The following TTC38 variants were observed in gnomAD, a reference collection of about 807,000 sequenced individuals.
The protein encoded by TTC38 is tetratricopeptide repeat domain 38.
A neutral mutation model predicts 64.2 loss-of-function variants in TTC38; 64 were observed. That is an observed-to-expected ratio of 1.00 (90% CI 0.81 to 1.23). The LOEUF is 1.23. Among genes scored for constraint, TTC38 ranks in the 50% most tolerant of loss-of-function variants. The pLI is 0.00. For missense variants in TTC38, 573 were observed against 615.5 expected, an observed-to-expected ratio of 0.93 and a Z score of 0.73; for synonymous variants, 254 against 249.3, an observed-to-expected ratio of 1.02 and a Z score of -0.18.
In TTC38 at chr22:46,281,615, C is replaced by T. The variant is rs766399816; in HGVS notation, c.632C>T (p.Pro211Leu). The change falls in exon 7 of 14, where the codon CCG (proline) becomes CTG (leucine). Residue 211 changes from proline (P) to leucine (L), a missense_variant. Coordinates refer to ENST00000381031, the MANE Select transcript of TTC38 (RefSeq NM_017931.4). This position sits in a 1 kb window ranked among gnomAD's most constrained non-coding sequence, Gnocchi z 5.2. ...KLAKEALSIN[P>L]TDAWSVHTVA... Reference sequence around the variant, plus strand: ...CCTGCGTAGGCTTTATCTATTAACCCGACAGACGCATGGTCGGTGCACACC... The same window carrying T: ...CCTGCGTAGGCTTTATCTATTAACCTGACAGACGCATGGTCGGTGCACACC... The T allele has an allele frequency of 1.4e-5, 23 of 1,613,990 alleles. No homozygotes were observed. Among genetic ancestry groups the T allele is most frequent in the East Asian group, 2.2e-5 (1 of 44,890 alleles).
chr22:46,281,486 C>T lies in TTC38; in HGVS notation c.616-113C>T, dbSNP rs1416996947. 1.8e-6 allele frequency: 2 copies of T among 1,131,334 alleles called. No homozygotes were observed. The highest frequency in any genetic ancestry group is 3.1e-5 in the African/African-American group (2 of 64,862). 70.1% of individuals were successfully genotyped at this position (1,131,334 alleles called of 1,614,324 possible). On this transcript the variant is annotated intron_variant, in intron 6 of 13. Coordinates refer to ENST00000381031, the MANE Select transcript of TTC38 (RefSeq NM_017931.4). This position sits in a 1 kb window ranked among gnomAD's most constrained non-coding sequence, Gnocchi z 5.2. ...AGTCAGAGCCCCGCCCCCCCACTTG[C>T]TCCACCCCGTTCAGCCCAGGCCCCT...
chr22:46,282,131 TG>T lies in TTC38; in HGVS notation c.735+415del, dbSNP rs1164020105. The T allele has an allele frequency of 2.6e-6, 1 of 381,578 alleles. No individual in the cohort carries two copies. Among genetic ancestry groups the T allele is most frequent in the East Asian group, 7.4e-5 (1 of 13,440 alleles). The allele number at this position is 381,578 out of a possible 1,614,324, so 23.6% of individuals were successfully genotyped here. A position where few individuals can be genotyped will look rare whatever the true frequency, so the allele number is the denominator to read the frequency against. Reference sequence around the variant, plus strand: ...ATCCTGGAGGGGGCAACCTCTGAGTTGGCTACTGAAGGATGAGCAGGTGTGT... The same window carrying T: ...ATCCTGGAGGGGGCAACCTCTGAGTTGCTACTGAAGGATGAGCAGGTGTGT... On this transcript the variant is annotated intron_variant, in intron 7 of 13. Transcript: ENST00000381031. The surrounding 1 kb of genome is among the most constrained non-coding windows in gnomAD (Gnocchi z 4.4).
intron 6 of TTC38, chr22:46,280,127 C>A (rs780657262): frequency 4.2e-5 from 20 of 471,202 alleles, no homozygotes; most frequent in South Asian, 3.1e-4. Context: ...GCAGGAAAAG[C>A]AGGCTGTGAT....
Position 46,273,046 on chromosome 22 carries a change from G to A in TTC38, c.193+630G>A, listed in dbSNP as rs537828125. 6.6e-6 allele frequency among the ~76,000 whole-genome samples: 1 copy of A among 152,340 alleles called. No homozygotes were observed. The highest frequency in any genetic ancestry group is 2.1e-4 in the South Asian group (1 of 4,830). On this transcript the variant is annotated intron_variant, in intron 3 of 13. Transcript: ENST00000381031. The surrounding 1 kb of genome is among the most constrained non-coding windows in gnomAD (Gnocchi z 5.1). ...GCGGCAGGGACACCCTTCTCACCCT[G>A]CTGCAGCCTAGTCAGACTTAAGGCA... is the stretch of plus-strand genomic sequence containing the variant.
rs1569017471 is a variant in TTC38 at position 46,276,738 on chromosome 22, T to TAC, written c.539+1318_539+1319insCA. ...ATTAAAAATATATATATTAAAAAAA[T>TAC]ATATATAAAATACATATATTAAAAA... is the stretch of plus-strand genomic sequence containing the variant. On this transcript the variant is annotated intron_variant, in intron 5 of 13. Coordinates refer to ENST00000381031, the MANE Select transcript of TTC38 (RefSeq NM_017931.4). This position sits in a 1 kb window ranked among gnomAD's most constrained non-coding sequence, Gnocchi z 4.7. 6.2e-5 allele frequency among the ~76,000 whole-genome samples: 8 copies of TAC among 129,650 alleles called. No individual in the cohort carries two copies. The highest frequency in any genetic ancestry group is 2.9e-4 in the African/African-American group (8 of 27,540). 85.1% of individuals were successfully genotyped at this position (129,650 alleles called of 152,430 possible).
intron 8 of TTC38, 23 bp downstream of exon 8, chr22:46,284,055 C>T: frequency 6.3e-7 from 1 of 1,583,856 alleles, no homozygotes; most frequent in South Asian, 1.1e-5. Context: ...TCTGTTTGCA[C>T]TGTCTTATCC....
Position 46,275,191 on chromosome 22 carries a change from C to T in TTC38, c.366-57C>T, listed in dbSNP as rs773215771. The T allele has an allele frequency of 1.3e-6, 2 of 1,519,296 alleles. No individual in the cohort carries two copies. The highest frequency in any genetic ancestry group is 1.8e-5 in the Admixed American group (1 of 56,348). The allele number at this position is 1,519,296 out of a possible 1,614,324, so 94.1% of individuals were successfully genotyped here. A position where few individuals can be genotyped will look rare whatever the true frequency, so the allele number is the denominator to read the frequency against. On this transcript the variant is annotated intron_variant, in intron 4 of 13. Coordinates refer to ENST00000381031, the MANE Select transcript of TTC38 (RefSeq NM_017931.4). This position sits in a 1 kb window ranked among gnomAD's most constrained non-coding sequence, Gnocchi z 4.5. ...GGTGAGAAACAATGCCTCTTACACT[C>T]CCTGTGTGGGTGGACTATGTGTTCA... is the stretch of plus-strand genomic sequence containing the variant.
chr22:46,276,758 TA>T lies in TTC38; in HGVS notation c.539+1342del, dbSNP rs1288505162. Among the ~76,000 whole-genome samples the T allele has an allele frequency of 1.4e-5, 2 of 142,804 alleles. No individual in the cohort carries two copies. The highest frequency in any genetic ancestry group is 3.0e-5 in the Non-Finnish European group (2 of 65,884). The allele number at this position is 142,804 out of a possible 152,430, so 93.7% of individuals were successfully genotyped here. A position where few individuals can be genotyped will look rare whatever the true frequency, so the allele number is the denominator to read the frequency against. On this transcript the variant is annotated intron_variant, in intron 5 of 13. Coordinates refer to ENST00000381031, the MANE Select transcript of TTC38 (RefSeq NM_017931.4). The surrounding 1 kb of genome is among the most constrained non-coding windows in gnomAD (Gnocchi z 4.7). The stretch of plus-strand genomic sequence containing the variant: ...AAAAATATATATAAAATACATATAT[TA>T]AAAATATATATTAAATATATATTAA...
rs1936935766 is a variant in TTC38, at chr22:46,273,322, T to A, written c.194-576T>A. On this transcript the variant is annotated intron_variant, in intron 3 of 13. Coordinates refer to ENST00000381031, the MANE Select transcript of TTC38 (RefSeq NM_017931.4). This position sits in a 1 kb window ranked among gnomAD's most constrained non-coding sequence, Gnocchi z 5.1. ...TAGCACACTATGGTTGGGTCCTGGGTCCCAGGCCTGAGCCAGTGACCAAGT... is the reference window on the plus strand; with the variant it reads ...TAGCACACTATGGTTGGGTCCTGGGACCCAGGCCTGAGCCAGTGACCAAGT... Among the ~76,000 whole-genome samples the A allele has an allele frequency of 6.6e-6, 1 of 152,138 alleles. No individual in the cohort carries two copies. The highest frequency in any genetic ancestry group is 2.1e-4 in the South Asian group (1 of 4,824).
In TTC38 at chr22:46,293,118, G is replaced by A. The variant is rs2077628317; in HGVS notation, c.*234G>A. ...GCATTTTTCAGCAGTCACAGCCAGTGTGAGTGCTGCTCTTTCCACCTGCCT... is the reference window on the plus strand; with the variant it reads ...GCATTTTTCAGCAGTCACAGCCAGTATGAGTGCTGCTCTTTCCACCTGCCT... On this transcript the variant is annotated 3_prime_UTR_variant, in exon 14 of 14. Transcript: ENST00000381031. This position sits in a 1 kb window ranked among gnomAD's most constrained non-coding sequence, Gnocchi z 6.6. The A allele has an allele frequency of 1.9e-6, 1 of 516,398 alleles. No individual in the cohort carries two copies. The highest frequency in any genetic ancestry group is 3.1e-5 in the Admixed American group (1 of 32,490). 32.0% of individuals were successfully genotyped at this position (516,398 alleles called of 1,614,324 possible). A position where few individuals can be genotyped will look rare whatever the true frequency, so the allele number is the denominator to read the frequency against.
rs904749703 is a variant in TTC38 at position 46,272,059 on chromosome 22, T to C, written c.112-276T>C. ...CAGGCTGGAGTGCAGTGGCACAATC[T>C]TGGCTCATTGCAACCTCAGCCCCCG... On this transcript the variant is annotated intron_variant, in intron 2 of 13. Coordinates refer to ENST00000381031, the MANE Select transcript of TTC38 (RefSeq NM_017931.4). The surrounding 1 kb of genome is among the most constrained non-coding windows in gnomAD (Gnocchi z 6.4). Among the ~76,000 whole-genome samples, 15 of 152,200 alleles carry C rather than the reference T, an allele frequency of 9.9e-5. No homozygotes were observed. The highest frequency in any genetic ancestry group is 3.1e-4 in the African/African-American group (13 of 41,446).
At chr22:46,283,708 C>T (rs1601879375) in intron 7 of TTC38, among the ~76,000 whole-genome samples, 1 of 151,892 alleles carries the variant, frequency 6.6e-6, no homozygotes, top group African/African-American at 2.4e-5. Flanking sequence ...AAAAATTAGC[C>T]GGGTGTGGTG....
rs6008443 is a variant in TTC38 at position 46,272,795 on chromosome 22, C to T, written c.193+379C>T. Among the ~76,000 whole-genome samples, 22,461 of 152,142 alleles carry T rather than the reference C, an allele frequency of 0.15. 4,017 individuals carry two copies. Among genetic ancestry groups the T allele is most frequent in the African/African-American group, 0.43 (17,784 of 41,446 alleles). On this transcript the variant is annotated intron_variant, in intron 3 of 13. Transcript: ENST00000381031. The surrounding 1 kb of genome is among the most constrained non-coding windows in gnomAD (Gnocchi z 6.4). ...AAGCTTCCTGAATCCAAGGCCCAGA[C>T]CCCTGGAACATGAGAGGTGGCTGCT...
rs144208190 is a variant in TTC38, at chr22:46,271,484, C to A, written c.112-851C>A. Among the ~76,000 whole-genome samples, 325 of 151,830 alleles carry A rather than the reference C, an allele frequency of 2.1e-3. 4 individuals are homozygous for A. In the East Asian group the frequency reaches 0.025, roughly 12 times the overall value. The stretch of plus-strand genomic sequence containing the variant: ...CACCTCGGCCTCCCAAAGTGCTGGG[C>A]TTACAGGCATGAGCCACCACACCTG... On this transcript the variant is annotated intron_variant, in intron 2 of 13. Transcript: ENST00000381031. The surrounding 1 kb of genome is among the most constrained non-coding windows in gnomAD (Gnocchi z 5.5).
chr22:46,281,468 GC>G lies in TTC38; in HGVS notation c.616-127del. On this transcript the variant is annotated intron_variant, in intron 6 of 13. Coordinates refer to ENST00000381031, the MANE Select transcript of TTC38 (RefSeq NM_017931.4). This position sits in a 1 kb window ranked among gnomAD's most constrained non-coding sequence, Gnocchi z 5.2. The stretch of plus-strand genomic sequence containing the variant: ...CTAATTGTCAGTGTTTTGAGTCAGA[GC>G]CCCGCCCCCCCACTTGCTCCACCCC... The G allele has an allele frequency of 9.8e-7, 1 of 1,020,646 alleles. No individual in the cohort carries two copies. Among genetic ancestry groups the G allele is most frequent in the South Asian group, 1.5e-5 (1 of 68,316 alleles). 63.2% of individuals were successfully genotyped at this position (1,020,646 alleles called of 1,614,324 possible).
intron 5 of TTC38, among the ~76,000 whole-genome samples, chr22:46,277,647 T>C (rs1328332706): frequency 7.1e-6 from 1 of 141,442 alleles, no homozygotes; most frequent in Non-Finnish European, 1.5e-5. Context: ...ATTGGAAGCG[T>C]GCAATTATTC....
chr22:46,282,625 C>T lies in TTC38; in HGVS notation c.735+907C>T, dbSNP rs1371224681. 6.6e-6 allele frequency among the ~76,000 whole-genome samples: 1 copy of T among 152,180 alleles called. No homozygotes were observed. The highest frequency in any genetic ancestry group is 2.4e-5 in the African/African-American group (1 of 41,436). On this transcript the variant is annotated intron_variant, in intron 7 of 13. Coordinates refer to ENST00000381031, the MANE Select transcript of TTC38 (RefSeq NM_017931.4). The surrounding 1 kb of genome is among the most constrained non-coding windows in gnomAD (Gnocchi z 4.4). ...AGCCTTGCTGCGGAGGATCCTCGGGCCTCCAGATTCGGCTCTGTCAAGGGG... is the reference window on the plus strand; with the variant it reads ...AGCCTTGCTGCGGAGGATCCTCGGGTCTCCAGATTCGGCTCTGTCAAGGGG...
In TTC38 at chr22:46,274,040, C is replaced by A. The variant is rs761672506; in HGVS notation, c.336C>A (p.His112Gln). ...CGCTGACAAGGCGGGAGCAGCTGCA[C>A]GTGTCTGCAGTAGAGACATTTGCCA... The part of the protein sequence containing the change: ...TQPLTRREQL[H>Q]VSAVETFANG... Residue 112 changes from histidine (H) to glutamine (Q), a missense_variant, in exon 4 of 14, where the codon CAC becomes CAA. Physicochemically the swap from His to Gln is conservative, Grantham distance 24. Coordinates refer to ENST00000381031, the MANE Select transcript of TTC38 (RefSeq NM_017931.4). This position sits in a 1 kb window ranked among gnomAD's most constrained non-coding sequence, Gnocchi z 4.8. The A allele has an allele frequency of 3.7e-6, 6 of 1,613,416 alleles. No homozygotes were observed. The highest frequency in any genetic ancestry group is 5.1e-6 in the Non-Finnish European group (6 of 1,179,624).
In TTC38 at chr22:46,292,897, GC is replaced by G. The variant is rs1569029590; in HGVS notation, c.*15del. Reference sequence around the variant, plus strand: ...CCTCATGCAGTGAGCCAGCCTGGCCGCCTCCACCCTGCAGAACCTCAGTGGT... The same window carrying G: ...CCTCATGCAGTGAGCCAGCCTGGCCGCTCCACCCTGCAGAACCTCAGTGGT... On this transcript the variant is annotated 3_prime_UTR_variant, in exon 14 of 14. Transcript: ENST00000381031. The surrounding 1 kb of genome is among the most constrained non-coding windows in gnomAD (Gnocchi z 6.5). 1 of 1,605,506 alleles carries G rather than the reference GC, an allele frequency of 6.2e-7. No individual in the cohort carries two copies. The highest frequency in any genetic ancestry group is 8.5e-7 in the Non-Finnish European group (1 of 1,172,902).
Sources: allele counts gnomAD v4.1 joint callset (sites outside exome capture counted in the v4.1 genomes callset), GRCh38; gene constraint gnomAD v4.1.1; non-coding constraint Gnocchi (gnomAD v3.1); transcripts MANE v1.5; gene names NCBI Gene and HGNC (gene_info 2026-07-23, HGNC 2026-07-21).